Variants in KCNIP3 observed in about 807,000 individuals in gnomAD.
The protein encoded by KCNIP3 is calsenilin.
KCNIP3 carries 28 observed loss-of-function variants against 35.0 expected under a neutral mutation model. The ratio of observed to expected loss-of-function variants is 0.80; its 90% CI spans 0.59 to 1.10. The LOEUF (loss-of-function observed/expected upper bound fraction) is 1.10, where lower values mean the gene tolerates loss of function less well. Among genes scored for constraint, KCNIP3 ranks in the 50% least tolerant of loss-of-function variants. The probability of loss-of-function intolerance (pLI) is 0.00; values close to 1 mark genes in which losing one functional copy is unlikely to be tolerated. For missense variants in KCNIP3, 295 were observed against 338.4 expected (o/e 0.87, Z 1.01); for synonymous variants, 134 against 133.8 (o/e 1.00, Z -0.01).
At chr2:95,339,670 T>C (rs1679145418) in intron 2 of KCNIP3, among the ~76,000 whole-genome samples, 1 of 152,112 alleles carries the variant, frequency 6.6e-6, no homozygotes, top group South Asian at 2.1e-4. Context: ...GTAGCATCAG[T>C]CTTATCTCTT....
rs762051497 is a variant in KCNIP3, at chr2:95,346,978, G to T, written c.182-27318G>T. 1.3e-5 allele frequency: 20 copies of T among 1,491,824 alleles called. No individual in the cohort carries two copies. The South Asian group carries it at 1.8e-4, about 13-fold the overall frequency. The allele number at this position is 1,491,824 out of a possible 1,614,324, so 92.4% of individuals were successfully genotyped here. ...GCCTCCGAGGCAGCGCGTGGGCGAGGGGTGCGCCCGGGCCCCAGGGCCCCA... is the reference window on the plus strand; with the variant it reads ...GCCTCCGAGGCAGCGCGTGGGCGAGTGGTGCGCCCGGGCCCCAGGGCCCCA... On this transcript the variant is annotated intron_variant, in intron 2 of 8. Transcript: ENST00000295225.
At chr2:95,348,108 C>T (rs538733108) in intron 2 of KCNIP3, among the ~76,000 whole-genome samples, 3 of 152,352 alleles carry the variant, frequency 2.0e-5, no homozygotes, top group African/African-American at 7.2e-5. Context: ...AGCCACATGC[C>T]CCTCAGAAGC....
At chr2:95,335,998 A>AT (rs1679051455) in intron 2 of KCNIP3, among the ~76,000 whole-genome samples, 1 of 151,934 alleles carries the variant, frequency 6.6e-6, no homozygotes, top group Non-Finnish European at 1.5e-5. Context: ...TTCCTCCGTT[A>AT]TTATCATCTG....
chr2:95,358,905 G>A (rs1021523845), intron 2 of KCNIP3, among the ~76,000 whole-genome samples: 4 of 152,186 alleles, frequency 2.6e-5, no homozygotes, highest in African/African-American at 7.2e-5. Flanking sequence ...GGCTGAGGTA[G>A]GAGGATCACT....
intron 2 of KCNIP3, among the ~76,000 whole-genome samples, chr2:95,369,204 T>C (rs1679985699): frequency 6.6e-6 from 1 of 152,252 alleles, no homozygotes; most frequent in South Asian, 2.1e-4. Context: ...TTTTTCTGCA[T>C]CAATTGATAT....
At chr2:95,306,282 G>A (rs1034591201) in intron 1 of KCNIP3, among the ~76,000 whole-genome samples, 20 of 152,080 alleles carry the variant, frequency 1.3e-4, no homozygotes, top group Middle Eastern at 3.4e-3. Flanking sequence ...TGCCATCCAC[G>A]TGTCCTCTCT....
intron 2 of KCNIP3, among the ~76,000 whole-genome samples, chr2:95,333,625 G>C (rs1678987069): frequency 6.6e-6 from 1 of 152,226 alleles, no homozygotes; most frequent in African/African-American, 2.4e-5. Context: ...GGTTGCAATT[G>C]TGACAGCTCG....
intron 5 of KCNIP3, among the ~76,000 whole-genome samples, chr2:95,375,905 C>T (rs1023052556): frequency 2.6e-5 from 4 of 152,202 alleles, no homozygotes; most frequent in African/African-American, 9.7e-5. Flanking sequence ...ATCGATACCC[C>T]GACAGCTTGG....
At position 95,378,684 on chromosome 2, in the gene KCNIP3, T is replaced by G. The variant is rs1174317217; in HGVS notation, c.448-2912T>G. Among the ~76,000 whole-genome samples, 1 of 151,064 alleles carries G rather than the reference T, an allele frequency of 6.6e-6. No homozygotes were observed. Among genetic ancestry groups the G allele is most frequent in the East Asian group, 1.9e-4 (1 of 5,134 alleles). ...TCACTTTGAGCCCAGGAGTCAGAGG[T>G]TGCAGTGAGCTGAGATTGCACCACT... On this transcript the variant is annotated intron_variant, in intron 5 of 8. Transcript: ENST00000295225. This position sits in a 1 kb window ranked among gnomAD's most constrained non-coding sequence, Gnocchi z 4.0.
chr2:95,309,899 C>T (rs1464333356), intron 1 of KCNIP3, among the ~76,000 whole-genome samples: 1 of 152,212 alleles, frequency 6.6e-6, no homozygotes, highest in African/African-American at 2.4e-5. Context: ...AGCATGAAAA[C>T]TCAGGCAGAG....
intron 2 of KCNIP3, among the ~76,000 whole-genome samples, chr2:95,343,286 T>C (rs1358833398): frequency 6.6e-6 from 1 of 152,102 alleles, no homozygotes; most frequent in African/African-American, 2.4e-5. Context: ...AGAGGTCAGC[T>C]TTGGAGGTGC....
rs371183355 is a variant in KCNIP3 at position 95,369,152 on chromosome 2, CCA to C, written c.182-5143_182-5142del. Among the ~76,000 whole-genome samples the C allele has an allele frequency of 1.2e-3, 186 of 152,078 alleles. 2 individuals are homozygous for C. The highest frequency in any genetic ancestry group is 4.2e-3 in the African/African-American group (175 of 41,476). On this transcript the variant is annotated intron_variant, in intron 2 of 8. Transcript: ENST00000295225. ...AATGTGGGGAAGTTCCCTTTCATTCCCAGTTATTTTTAATGAATGGATGTTGA... is the reference window on the plus strand; with the variant it reads ...AATGTGGGGAAGTTCCCTTTCATTCCGTTATTTTTAATGAATGGATGTTGA...
At chr2:95,369,209 T>A (rs1679985819) in intron 2 of KCNIP3, among the ~76,000 whole-genome samples, 1 of 152,252 alleles carries the variant, frequency 6.6e-6, no homozygotes, top group Non-Finnish European at 1.5e-5. Flanking sequence ...CTGCATCAAT[T>A]GATATGATTA....
intron 1 of KCNIP3, among the ~76,000 whole-genome samples, chr2:95,305,956 G>T (rs1573478268): frequency 6.6e-6 from 1 of 152,218 alleles, no homozygotes; most frequent in Non-Finnish European, 1.5e-5. Flanking sequence ...ATGAACATTT[G>T]TGTACATGTT....
chr2:95,304,309 C>T (rs779888031), intron 1 of KCNIP3, among the ~76,000 whole-genome samples: 14 of 152,160 alleles, frequency 9.2e-5, no homozygotes, highest in South Asian at 2.1e-4. Flanking sequence ...AGTGGGAAGC[C>T]GGGAGCAGAA....
At chr2:95,336,108 A>G (rs1679053967) in intron 2 of KCNIP3, among the ~76,000 whole-genome samples, 1 of 152,230 alleles carries the variant, frequency 6.6e-6, no homozygotes, top group Admixed American at 6.5e-5. Flanking sequence ...CAGGTCACCC[A>G]TGTTGTCAGG....
chr2:95,384,183 C>CAT lies in KCNIP3; in HGVS notation c.*135_*136insTA. 1.5e-6 allele frequency: 1 copy of CAT among 651,992 alleles called. No individual in the cohort carries two copies. The highest frequency in any genetic ancestry group is 2.8e-6 in the Non-Finnish European group (1 of 361,346). The allele number at this position is 651,992 out of a possible 1,614,324, so 40.4% of individuals were successfully genotyped here. On this transcript the variant is annotated 3_prime_UTR_variant, in exon 9 of 9. Transcript: ENST00000295225. ...GAACAGATTGCTACACACACACACA[C>CAT]ACACACACACACACACACACACAGC...
Position 95,374,833 on chromosome 2 carries a change from G to A in KCNIP3, c.307-15G>A, listed in dbSNP as rs752448463. Reference sequence around the variant, plus strand: ...GGGGGTGGCCGAGGGCTGAGGGGGTGCCTTCCTGCTGCAGGAGTGTCCCAC... The same window carrying A: ...GGGGGTGGCCGAGGGCTGAGGGGGTACCTTCCTGCTGCAGGAGTGTCCCAC... On this transcript the variant is annotated splice_polypyrimidine_tract_variant and intron_variant, in intron 3 of 8. Transcript: ENST00000295225. 4.3e-6 allele frequency: 7 copies of A among 1,612,890 alleles called. No individual in the cohort carries two copies. Among genetic ancestry groups the A allele is most frequent in the East Asian group, 4.5e-5 (2 of 44,866 alleles).
chr2:95,334,189 A>G (rs1310531245), intron 2 of KCNIP3, among the ~76,000 whole-genome samples: 1 of 152,246 alleles, frequency 6.6e-6, no homozygotes, highest in Non-Finnish European at 1.5e-5. Flanking sequence ...AGGGGAACAC[A>G]GGCTCTGAGT....
Sources: gnomAD v4.1 joint callset for allele counts (sites outside exome capture counted in the v4.1 genomes callset) on GRCh38, gnomAD v4.1.1 for gene constraint, Gnocchi (gnomAD v3.1) non-coding constraint, MANE v1.5 for transcripts, NCBI Gene and HGNC (gene_info 2026-07-23, HGNC 2026-07-21) for gene names.